Variants in CSMD1 observed in about 807,000 individuals in gnomAD.
CSMD1 encodes CUB and sushi domain-containing protein 1.
CSMD1 carries 213 observed loss-of-function variants against 417.5 expected under a neutral mutation model. The observed-to-expected ratio is 0.51, with a 90% CI of 0.46 to 0.57. CSMD1 has a LOEUF of 0.57. CSMD1 is among the 20% of genes least tolerant of loss of function. CSMD1 has a pLI of 0.00. For missense variants in CSMD1, 6,923 were observed against 4,529.7 expected (o/e 1.53, Z -15.17); for synonymous variants, 2,862 against 1,736.8 (o/e 1.65, Z -16.11).
chr8:4,007,684 T>G (rs1473730077), intron 4 of CSMD1, among the ~76,000 whole-genome samples: 1 of 152,122 alleles, frequency 6.6e-6, no homozygotes. Context: ...TCCTCTTTTT[T>G]TTTTTCATGC....
chr8:4,421,943 A>G (rs1310814384), intron 2 of CSMD1, among the ~76,000 whole-genome samples: 20 of 152,020 alleles, frequency 1.3e-4, no homozygotes, highest in Admixed American at 1.3e-3. Context: ...AGGTACAAAG[A>G]GTCACTGTCA....
At chr8:4,962,256 A>C (rs1000148587) in intron 1 of CSMD1, among the ~76,000 whole-genome samples, 48 of 151,888 alleles carry the variant, frequency 3.2e-4, no homozygotes, top group Non-Finnish European at 5.7e-4. Context: ...TGTCACCCAA[A>C]CTGGAGTACA....
At chr8:3,788,003 G>C (rs923461772) in intron 5 of CSMD1, among the ~76,000 whole-genome samples, 1 of 152,154 alleles carries the variant, frequency 6.6e-6, no homozygotes, top group Non-Finnish European at 1.5e-5. Context: ...TTTAGACCAA[G>C]AGTAAAAAAG....
intron 2 of CSMD1, among the ~76,000 whole-genome samples, chr8:4,485,319 C>G (rs1433932328): frequency 6.6e-6 from 1 of 152,144 alleles, no homozygotes; most frequent in Non-Finnish European, 1.5e-5. Context: ...TTTTTACCAA[C>G]CAAACTCTTC....
chr8:3,469,647 G>T (rs1186265181), intron 11 of CSMD1, among the ~76,000 whole-genome samples: 1 of 152,148 alleles, frequency 6.6e-6, no homozygotes, highest in Admixed American at 6.5e-5. Context: ...TAATCAAATA[G>T]GAAGCTTGAC....
intron 37 of CSMD1, among the ~76,000 whole-genome samples, chr8:3,174,142 C>T (rs1344569624): frequency 6.6e-6 from 1 of 152,182 alleles, no homozygotes; most frequent in African/African-American, 2.4e-5. Context: ...ATCATCAGCA[C>T]AGCGAACTGC....
chr8:4,659,383 A>T (rs1160306797), intron 1 of CSMD1, among the ~76,000 whole-genome samples: 1 of 152,188 alleles, frequency 6.6e-6, no homozygotes, highest in Non-Finnish European at 1.5e-5. Context: ...AGATATATTT[A>T]AAAATGCAGA....
At chr8:3,970,111 A>C (rs560892021) in intron 5 of CSMD1, among the ~76,000 whole-genome samples, 28 of 152,342 alleles carry the variant, frequency 1.8e-4, no homozygotes, top group South Asian at 6.2e-4. Flanking sequence ...CTTTGTGAGA[A>C]ATCTTAAAAT....
At chr8:4,813,741 C>T (rs116492262) in intron 1 of CSMD1, among the ~76,000 whole-genome samples, 1 of 152,144 alleles carries the variant, frequency 6.6e-6, no homozygotes, top group Non-Finnish European at 1.5e-5. Context: ...TACCGACATA[C>T]AGACTTTAAG....
At chr8:4,037,302 G>A (rs1445070943) in intron 3 of CSMD1, among the ~76,000 whole-genome samples, 3 of 152,046 alleles carry the variant, frequency 2.0e-5, no homozygotes, top group Non-Finnish European at 2.9e-5. Context: ...GTCTTACATT[G>A]TTTTGCTTAG....
chr8:3,592,637 G>C (rs180962414), intron 8 of CSMD1, among the ~76,000 whole-genome samples: 3 of 152,086 alleles, frequency 2.0e-5, no homozygotes, highest in Non-Finnish European at 4.4e-5. Flanking sequence ...GGTGAATGCT[G>C]AAGGGTCTAT....
At chr8:4,231,188 G>A (rs1472654333) in intron 3 of CSMD1, among the ~76,000 whole-genome samples, 1 of 152,136 alleles carries the variant, frequency 6.6e-6, no homozygotes, top group Non-Finnish European at 1.5e-5. Context: ...CACATCAATT[G>A]CGCATTGAGT....
At chr8:3,259,338 G>A (rs138221061) in intron 26 of CSMD1, among the ~76,000 whole-genome samples, 2 of 152,322 alleles carry the variant, frequency 1.3e-5, no homozygotes, top group East Asian at 3.9e-4. Flanking sequence ...CAGGAATCTT[G>A]ACTTCGTTCA....
intron 1 of CSMD1, among the ~76,000 whole-genome samples, chr8:4,981,150 A>T (rs991774059): frequency 7.2e-6 from 1 of 138,672 alleles, no homozygotes; most frequent in African/African-American, 2.9e-5. Context: ...ATCAAAATAT[A>T]GATATTATTT....
At chr8:4,323,422 C>G (rs913852946) in intron 3 of CSMD1, among the ~76,000 whole-genome samples, 1 of 152,156 alleles carries the variant, frequency 6.6e-6, no homozygotes, top group African/African-American at 2.4e-5. Flanking sequence ...GTCTTCTTCA[C>G]AGGTCACCCC....
At chr8:4,605,803 C>T (rs1005844804) in intron 2 of CSMD1, among the ~76,000 whole-genome samples, 10 of 152,212 alleles carry the variant, frequency 6.6e-5, no homozygotes, top group Non-Finnish European at 1.0e-4. Flanking sequence ...CTCTCAAACA[C>T]TGGCAGGTGA....
At chr8:4,728,081 T>C (rs1353688348) in intron 1 of CSMD1, among the ~76,000 whole-genome samples, 1 of 147,004 alleles carries the variant, frequency 6.8e-6, no homozygotes, top group East Asian at 1.9e-4. Flanking sequence ...TATATGTTTG[T>C]AGGTAAATAT....
At chr8:3,828,063 A>G (rs937922131) in intron 5 of CSMD1, among the ~76,000 whole-genome samples, 19 of 152,204 alleles carry the variant, frequency 1.2e-4, no homozygotes, top group African/African-American at 4.6e-4. Context: ...AATGAGCAAA[A>G]AGTTATGCCA....
At chr8:4,124,204 G>A (rs1025151110) in intron 3 of CSMD1, among the ~76,000 whole-genome samples, 3 of 152,082 alleles carry the variant, frequency 2.0e-5, no homozygotes, top group Non-Finnish European at 2.9e-5. Context: ...ACGACCAGGA[G>A]GAAGCTTCAG....
Sources: allele counts gnomAD v4.1 joint callset (sites outside exome capture counted in the v4.1 genomes callset), GRCh38; gene constraint gnomAD v4.1.1; transcripts MANE v1.5; gene names NCBI Gene and HGNC (gene_info 2026-07-23, HGNC 2026-07-21).